DIP2C: variants seen among roughly 807,000 people sequenced by gnomAD.
DIP2C encodes the protein DIP2 acetate--CoA ligase C (putative).
A neutral mutation model predicts 192.4 loss-of-function variants in DIP2C; 33 were observed. The ratio of observed to expected loss-of-function variants is 0.17; its 90% CI spans 0.13 to 0.23. The LOEUF (loss-of-function observed/expected upper bound fraction) is 0.23. Among genes scored for constraint, DIP2C ranks in the 10% least tolerant of loss-of-function variants. DIP2C has a pLI of 1.00. For synonymous variants in DIP2C, 979 were observed against 864.1 expected (o/e 1.13, Z -2.33); for missense variants, 1,537 against 2,110.1 (o/e 0.73, Z 5.32).
intron 1 of DIP2C, among the ~76,000 whole-genome samples, chr10:510,511 C>T (rs1249709405): frequency 1.3e-5 from 2 of 152,260 alleles, no homozygotes; most frequent in Non-Finnish European, 1.5e-5. Flanking sequence ...TTCCGGAAAG[C>T]TCTCGCCTGC....
intron 32 of DIP2C, among the ~76,000 whole-genome samples, chr10:300,223 C>CCCAAAGGTGCCA (rs753385185): frequency 4.3e-4 from 66 of 152,286 alleles, no homozygotes; most frequent in Non-Finnish European, 7.5e-4. Flanking sequence ...TTCACAGCAG[C>CCCAAAGGTGCCA]CCAAAGGTGG....
At chr10:348,935 T>A (rs761849137) in intron 25 of DIP2C, among the ~76,000 whole-genome samples, 173 bp from the exon 26 acceptor site, 1 of 152,156 alleles carries the variant, frequency 6.6e-6, no homozygotes, top group South Asian at 2.1e-4. Context: ...TCACTGTCAT[T>A]TACCTGTCCT....
chr10:349,216 G>A, intron 25 of DIP2C, 115 bp downstream of exon 25: 1 of 1,424,408 alleles, frequency 7.0e-7, no homozygotes, highest in Non-Finnish European at 9.4e-7. Flanking sequence ...ATACAGTGCA[G>A]ACTCCCAGCC....
chr10:312,870 CAAAAAT>C (rs1564540052), intron 31 of DIP2C, among the ~76,000 whole-genome samples: 1 of 152,060 alleles, frequency 6.6e-6, no homozygotes. Flanking sequence ...TTAACTGGAA[CAAAAAT>C]AAAAATAAGT....
chr10:311,414 A>AG, intron 31 of DIP2C: 2 of 844,746 alleles, frequency 2.4e-6, no homozygotes, highest in Non-Finnish European at 1.6e-6. Flanking sequence ...CCATGATCAC[A>AG]GGGCCTGCAG....
At chr10:534,050 C>T (rs1847563287) in intron 1 of DIP2C, among the ~76,000 whole-genome samples, 1 of 152,120 alleles carries the variant, frequency 6.6e-6, no homozygotes, top group Non-Finnish European at 1.5e-5. Context: ...CCATGAAGCC[C>T]ACGCCCCCTT....
At chr10:658,260 GCTGGACCTGCCCCTGGACCTGCCC>G (rs1212247088) in intron 1 of DIP2C, among the ~76,000 whole-genome samples, 2 of 120,166 alleles carry the variant, frequency 1.7e-5, no homozygotes, top group Non-Finnish European at 3.4e-5. Flanking sequence ...TGGACCTGAT[GCTGGACCTGCCCCTGGACCTGCCC>G]CTGGACCTGT....
intron 3 of DIP2C, among the ~76,000 whole-genome samples, chr10:468,975 G>A (rs1005031865): frequency 5.3e-5 from 8 of 152,172 alleles, no homozygotes; most frequent in African/African-American, 1.9e-4. Context: ...CTAAAGAGAA[G>A]GAGCTGTGGA....
intron 9 of DIP2C, 71 bp from the exon 10 acceptor site, chr10:399,290 T>G: frequency 8.2e-7 from 1 of 1,224,854 alleles, no homozygotes. Flanking sequence ...CGGAAGAGCT[T>G]GGTTCTAGGT....
At chr10:660,041 G>A (rs990173783) in intron 1 of DIP2C, among the ~76,000 whole-genome samples, 1 of 152,256 alleles carries the variant, frequency 6.6e-6, no homozygotes, top group Non-Finnish European at 1.5e-5. Context: ...AAGAGGCCTA[G>A]GTTCCCTCTC....
At chr10:551,524 G>A (rs1175611014) in intron 1 of DIP2C, among the ~76,000 whole-genome samples, 2 of 152,170 alleles carry the variant, frequency 1.3e-5, no homozygotes, top group African/African-American at 2.4e-5. Context: ...TCAAGAGGAA[G>A]GAGGCCTCGG....
chr10:670,246 A>G (rs571677621), intron 1 of DIP2C, among the ~76,000 whole-genome samples: 1 of 152,052 alleles, frequency 6.6e-6, no homozygotes, highest in East Asian at 1.9e-4. Context: ...ACGCATATGC[A>G]CACACGTACA....
Position 552,290 on chromosome 10 carries a change from T to C in DIP2C, c.86-65760A>G, listed in dbSNP as rs551743483. On this transcript the variant is annotated intron_variant, in intron 1 of 36. Coordinates refer to ENST00000280886, the MANE Select transcript of DIP2C (RefSeq NM_014974.3). ...ATCATATCAAGATACAGCAGAGATG[T>C]AGCTAAAATGTTAATAGGGTCTATG... Among the ~76,000 whole-genome samples the C allele has an allele frequency of 1.6e-4, 25 of 152,312 alleles. No homozygotes were observed. The South Asian group carries it at 5.2e-3, about 32-fold the overall frequency.
At chr10:432,717 C>A (rs1270132760) in intron 4 of DIP2C, among the ~76,000 whole-genome samples, 1 of 151,870 alleles carries the variant, frequency 6.6e-6, no homozygotes, top group African/African-American at 2.4e-5. Context: ...ATTTGCTGTT[C>A]TTTTTCTAGT....
At chr10:451,933 CTG>C (rs1491185946) in intron 3 of DIP2C, among the ~76,000 whole-genome samples, 2 of 140,406 alleles carry the variant, frequency 1.4e-5, no homozygotes, top group African/African-American at 6.6e-5. Context: ...GGTCAAAAAA[CTG>C]AGAAAACAGT....
At chr10:488,003 A>G (rs1156251855) in intron 1 of DIP2C, among the ~76,000 whole-genome samples, 1 of 152,240 alleles carries the variant, frequency 6.6e-6, no homozygotes, top group Non-Finnish European at 1.5e-5. Context: ...GCTTTTGGAA[A>G]TGCCTTGTTA....
intron 3 of DIP2C, among the ~76,000 whole-genome samples, chr10:444,134 G>A (rs1414809320): frequency 6.6e-6 from 1 of 151,244 alleles, no homozygotes; most frequent in Non-Finnish European, 1.5e-5. Context: ...TGGACTCCAC[G>A]CCATGGTGTT....
At chr10:611,635 T>C (rs1208101916) in intron 1 of DIP2C, among the ~76,000 whole-genome samples, 1 of 152,168 alleles carries the variant, frequency 6.6e-6, no homozygotes, top group Admixed American at 6.5e-5. Flanking sequence ...TCCCTTGCTC[T>C]GAACAATTAA....
intron 31 of DIP2C, chr10:324,746 A>G (rs1957187081): frequency 1.4e-5 from 5 of 349,682 alleles, no homozygotes; most frequent in Non-Finnish European, 2.9e-5. Context: ...CAACACTCCC[A>G]CGGCGCACAT....
Sources: allele counts gnomAD v4.1 joint callset (sites outside exome capture counted in the v4.1 genomes callset), GRCh38; gene constraint gnomAD v4.1.1; transcripts MANE v1.5; gene names NCBI Gene and HGNC (gene_info 2026-07-23, HGNC 2026-07-21).